The following COL9A2 variants were observed in gnomAD, a reference collection of about 807,000 sequenced individuals.
COL9A2 encodes the protein collagen type IX alpha 2 chain.
A neutral mutation model predicts 111.6 loss-of-function variants in COL9A2; 66 were observed. The observed-to-expected ratio is 0.59, with a 90% CI of 0.48 to 0.73. The LOEUF (loss-of-function observed/expected upper bound fraction) is 0.73, where lower values mean the gene tolerates loss of function less well. Among genes scored for constraint, COL9A2 ranks in the 30% least tolerant of loss-of-function variants. The pLI is 0.00. For missense variants in COL9A2, 881 were observed against 954.1 expected, an observed-to-expected ratio of 0.92 and a Z score of 1.01; for synonymous variants, 353 against 364.1, an observed-to-expected ratio of 0.97 and a Z score of 0.35.
At position 40,310,250 on chromosome 1, in the gene COL9A2, C is replaced by T. The variant is rs199876734; in HGVS notation, c.738+14G>A. ...TCCTGGAAGCTCTTGTAGAACACCC[C>T]AAGATTCACTTACCGTCTCTCCCTT... On this transcript the variant is annotated intron_variant, in intron 14 of 31. Transcript: ENST00000372748. This position sits in a 1 kb window ranked among gnomAD's most constrained non-coding sequence, Gnocchi z 4.9. 4.2e-5 allele frequency: 67 copies of T among 1,614,116 alleles called. 1 individual carries two copies. The African/African-American group carries it at 8.4e-4, about 20-fold the overall frequency.
In COL9A2 at chr1:40,307,394, C is replaced by T; in HGVS notation, c.1008+52G>A. ...GCCCCGGGTGTGTGTGGATTCTAAC[C>T]TCATCAGCCACTAGCCCCTGGCCAG... On this transcript the variant is annotated intron_variant, in intron 19 of 31. Transcript: ENST00000372748. The surrounding 1 kb of genome is among the most constrained non-coding windows in gnomAD (Gnocchi z 4.8). 1 of 1,561,502 alleles carries T rather than the reference C, an allele frequency of 6.4e-7. No individual in the cohort carries two copies. The highest frequency in any genetic ancestry group is 8.8e-7 in the Non-Finnish European group (1 of 1,137,378).
chr1:40,309,277 GCTGT>G (rs1165201811), intron 16 of COL9A2, among the ~76,000 whole-genome samples: 2 of 151,894 alleles, frequency 1.3e-5, no homozygotes, highest in Admixed American at 1.3e-4. Context: ...GATGATCTCT[GCTGT>G]CTAATAGAAA....
chr1:40,311,828 T>C lies in COL9A2; in HGVS notation c.418-113A>G. 8.4e-7 allele frequency: 1 copy of C among 1,196,232 alleles called. No individual in the cohort carries two copies. Among genetic ancestry groups the C allele is most frequent in the Non-Finnish European group, 1.2e-6 (1 of 806,948 alleles). The allele number at this position is 1,196,232 out of a possible 1,614,324, so 74.1% of individuals were successfully genotyped here. On this transcript the variant is annotated intron_variant, in intron 8 of 31. Coordinates refer to ENST00000372748, the MANE Select transcript of COL9A2 (RefSeq NM_001852.4). The surrounding 1 kb of genome is among the most constrained non-coding windows in gnomAD (Gnocchi z 5.1). ...CTCCACCCTGTCTTCCCGGTCACTTTGTGAGATCCACCATCTTGGGAGATG... is the reference window on the plus strand; with the variant it reads ...CTCCACCCTGTCTTCCCGGTCACTTCGTGAGATCCACCATCTTGGGAGATG...
rs1569709333 is a variant in COL9A2 at position 40,303,882 on chromosome 1, C to T, written c.1369-43G>A. On this transcript the variant is annotated intron_variant, in intron 26 of 31. Coordinates refer to ENST00000372748, the MANE Select transcript of COL9A2 (RefSeq NM_001852.4). This position sits in a 1 kb window ranked among gnomAD's most constrained non-coding sequence, Gnocchi z 4.6. ...AGCGGTCACGAAGCCGCGGGGACCC[C>T]GGGGCCAGCCGCCGCTCCCCGCCCT... 1.3e-6 allele frequency: 2 copies of T among 1,548,714 alleles called. No homozygotes were observed. Among genetic ancestry groups the T allele is most frequent in the Non-Finnish European group, 8.7e-7 (1 of 1,146,530 alleles).
Position 40,300,936 on chromosome 1 carries a change from A to G in COL9A2, c.*246T>C, listed in dbSNP as rs1021202446. ...TGCTCGCTGGAAGGAAAGCCGCCCTATTCCTTCAGCGCTTCGACTCCATCG... is the reference window on the plus strand; with the variant it reads ...TGCTCGCTGGAAGGAAAGCCGCCCTGTTCCTTCAGCGCTTCGACTCCATCG... On this transcript the variant is annotated 3_prime_UTR_variant, in exon 32 of 32. Coordinates refer to ENST00000372748, the MANE Select transcript of COL9A2 (RefSeq NM_001852.4). This position sits in a 1 kb window ranked among gnomAD's most constrained non-coding sequence, Gnocchi z 4.4. 1.9e-5 allele frequency: 10 copies of G among 514,650 alleles called. No homozygotes were observed. Among genetic ancestry groups the G allele is most frequent in the Non-Finnish European group, 3.5e-5 (10 of 285,994 alleles). 31.9% of individuals were successfully genotyped at this position (514,650 alleles called of 1,614,324 possible).
intron 20 of COL9A2, 129 bp downstream of exon 20, chr1:40,306,014 G>C: frequency 9.5e-7 from 1 of 1,050,310 alleles, no homozygotes. Context: ...TGGCAGGAGG[G>C]AGGTGGTTAG....
chr1:40,310,417 A>G lies in COL9A2; in HGVS notation c.685-100T>C, dbSNP rs1644105360. On this transcript the variant is annotated intron_variant, in intron 13 of 31. Transcript: ENST00000372748. The surrounding 1 kb of genome is among the most constrained non-coding windows in gnomAD (Gnocchi z 4.9). Reference sequence around the variant, plus strand: ...CAATCTTACAGTGCCCTTTTGAGGTAGGCAGCAGAGTCTCTGTCTCATGGA... The same window carrying G: ...CAATCTTACAGTGCCCTTTTGAGGTGGGCAGCAGAGTCTCTGTCTCATGGA... 30 of 1,208,440 alleles carry G rather than the reference A, an allele frequency of 2.5e-5. No homozygotes were observed. Among genetic ancestry groups the G allele is most frequent in the Non-Finnish European group, 3.7e-5 (30 of 821,188 alleles). 74.9% of individuals were successfully genotyped at this position (1,208,440 alleles called of 1,614,324 possible).
chr1:40,312,127 G>A lies in COL9A2; in HGVS notation c.364-15C>T, dbSNP rs747246514. ...CCAGGAGGCCCCTGGGGAGCAGAGA[G>A]TTGATGGTCAGGATGCCTCAGAGGG... On this transcript the variant is annotated splice_polypyrimidine_tract_variant and intron_variant, in intron 7 of 31. Coordinates refer to ENST00000372748, the MANE Select transcript of COL9A2 (RefSeq NM_001852.4). The surrounding 1 kb of genome is among the most constrained non-coding windows in gnomAD (Gnocchi z 6.0). 1.1e-5 allele frequency: 18 copies of A among 1,598,424 alleles called. No individual in the cohort carries two copies. Among genetic ancestry groups the A allele is most frequent in the Non-Finnish European group, 1.5e-5 (18 of 1,174,152 alleles).
Position 40,316,798 on chromosome 1 carries a change from A to C in COL9A2, c.75+325T>G. ...GGGGCGGAGGCTGCGCAGCGGGTGA[A>C]TGAGCACCATTGTATGCCCCGCCAC... On this transcript the variant is annotated intron_variant, in intron 1 of 31. Coordinates refer to ENST00000372748, the MANE Select transcript of COL9A2 (RefSeq NM_001852.4). The surrounding 1 kb of genome is among the most constrained non-coding windows in gnomAD (Gnocchi z 5.5). 7 of 424,878 alleles carry C rather than the reference A, an allele frequency of 1.6e-5. No individual in the cohort carries two copies. Among genetic ancestry groups the C allele is most frequent in the East Asian group, 5.6e-5 (1 of 17,972 alleles). 26.3% of individuals were successfully genotyped at this position (424,878 alleles called of 1,614,324 possible).
At chr1:40,301,601 T>C (rs1643915782) in intron 31 of COL9A2, among the ~76,000 whole-genome samples, 1 of 152,180 alleles carries the variant, frequency 6.6e-6, no homozygotes, top group Admixed American at 6.5e-5. Flanking sequence ...TGTGAAGTGA[T>C]GGTGGTGGAT....
At position 40,308,963 on chromosome 1, in the gene COL9A2, T is replaced by C. The variant is rs1205375497; in HGVS notation, c.847-718A>G. ...AAAAATTGCATTAAAAAACTAGATA[T>C]TGCTGGGCGTGTTGGCTCACACCTG... On this transcript the variant is annotated intron_variant, in intron 16 of 31. Transcript: ENST00000372748. Among the ~76,000 whole-genome samples the C allele has an allele frequency of 3.9e-5, 6 of 152,160 alleles. No individual in the cohort carries two copies. The South Asian group carries it at 6.2e-4, about 16-fold the overall frequency.
In COL9A2 at chr1:40,303,329, G is replaced by A; in HGVS notation, c.1549-144C>T. 8.7e-7 allele frequency: 1 copy of A among 1,144,530 alleles called. No individual in the cohort carries two copies. Among genetic ancestry groups the A allele is most frequent in the Non-Finnish European group, 1.3e-6 (1 of 786,624 alleles). The allele number at this position is 1,144,530 out of a possible 1,614,324, so 70.9% of individuals were successfully genotyped here. A position where few individuals can be genotyped will look rare whatever the true frequency, so the allele number is the denominator to read the frequency against. On this transcript the variant is annotated intron_variant, in intron 28 of 31. Transcript: ENST00000372748. The surrounding 1 kb of genome is among the most constrained non-coding windows in gnomAD (Gnocchi z 4.6). ...CAAGCTGAGGAACAGATTGTACCTG[G>A]GCAGGGCCAAGGGCTTACTTGGGAA...
At position 40,314,538 on chromosome 1, in the gene COL9A2, G is replaced by A. The variant is rs533769345; in HGVS notation, c.151-151C>T. On this transcript the variant is annotated intron_variant, in intron 2 of 31. Transcript: ENST00000372748. This position sits in a 1 kb window ranked among gnomAD's most constrained non-coding sequence, Gnocchi z 4.1. ...AAGCCTTGCAATCTTTGGGAAAAGA[G>A]CCCCCTTTTCCTCAAAAATAAAAAC... 29 of 953,024 alleles carry A rather than the reference G, an allele frequency of 3.0e-5. No individual in the cohort carries two copies. In the East Asian group the frequency reaches 6.7e-4, roughly 22 times the overall value. 59.0% of individuals were successfully genotyped at this position (953,024 alleles called of 1,614,324 possible).
rs1644182746 is a variant in COL9A2 at position 40,314,404 on chromosome 1, G to A, written c.151-17C>T. The A allele has an allele frequency of 1.9e-6, 3 of 1,614,044 alleles. No homozygotes were observed. Among genetic ancestry groups the A allele is most frequent in the Non-Finnish European group, 1.7e-6 (2 of 1,180,050 alleles). ...ATTGTCACCCTGCAAGATACAAGTT[G>A]GTGAGACAGCACACTACGGCTCACA... On this transcript the variant is annotated splice_polypyrimidine_tract_variant and intron_variant, in intron 2 of 31. Transcript: ENST00000372748. The surrounding 1 kb of genome is among the most constrained non-coding windows in gnomAD (Gnocchi z 4.1).
Position 40,302,827 on chromosome 1 carries a change from G to A in COL9A2, c.1604-18C>T. ...CAGTTGCTCTGGAGGGAGGGAGGGA[G>A]GGAGGGAGAGGGAAGTCTATGAGAT... On this transcript the variant is annotated intron_variant, in intron 29 of 31. Coordinates refer to ENST00000372748, the MANE Select transcript of COL9A2 (RefSeq NM_001852.4). This position sits in a 1 kb window ranked among gnomAD's most constrained non-coding sequence, Gnocchi z 4.5. 4 of 1,533,526 alleles carry A rather than the reference G, an allele frequency of 2.6e-6. No homozygotes were observed. Among genetic ancestry groups the A allele is most frequent in the Non-Finnish European group, 3.5e-6 (4 of 1,135,706 alleles). The allele number at this position is 1,533,526 out of a possible 1,614,324, so 95.0% of individuals were successfully genotyped here. A position where few individuals can be genotyped will look rare whatever the true frequency, so the allele number is the denominator to read the frequency against.
In COL9A2 at chr1:40,310,665, G is replaced by A. The variant is rs777932671; in HGVS notation, c.684+49C>T. The A allele has an allele frequency of 3.4e-6, 5 of 1,481,426 alleles. No individual in the cohort carries two copies. Among genetic ancestry groups the A allele is most frequent in the Non-Finnish European group, 3.7e-6 (4 of 1,080,066 alleles). The allele number at this position is 1,481,426 out of a possible 1,614,324, so 91.8% of individuals were successfully genotyped here. Reference sequence around the variant, plus strand: ...GAGCAGGGGAATGACTCCATGAAGGGCTCCTGGGGTGAGGGAGAAGAGGGC... The same window carrying A: ...GAGCAGGGGAATGACTCCATGAAGGACTCCTGGGGTGAGGGAGAAGAGGGC... On this transcript the variant is annotated intron_variant, in intron 13 of 31. Coordinates refer to ENST00000372748, the MANE Select transcript of COL9A2 (RefSeq NM_001852.4). This position sits in a 1 kb window ranked among gnomAD's most constrained non-coding sequence, Gnocchi z 4.9.
chr1:40,310,692 A>C lies in COL9A2; in HGVS notation c.684+22T>G. On this transcript the variant is annotated intron_variant, in intron 13 of 31. Transcript: ENST00000372748. This position sits in a 1 kb window ranked among gnomAD's most constrained non-coding sequence, Gnocchi z 4.9. ...TCCTGGGGTGAGGGAGAAGAGGGCC[A>C]CTGAGGCAAGGTGTTCCTTACCGGT... 1 of 1,564,832 alleles carries C rather than the reference A, an allele frequency of 6.4e-7. No homozygotes were observed. Among genetic ancestry groups the C allele is most frequent in the South Asian group, 1.2e-5 (1 of 84,818 alleles).
Position 40,300,901 on chromosome 1 carries a change from A to G in COL9A2, c.*281T>C, listed in dbSNP as rs1027333704. On this transcript the variant is annotated 3_prime_UTR_variant, in exon 32 of 32. Coordinates refer to ENST00000372748, the MANE Select transcript of COL9A2 (RefSeq NM_001852.4). This position sits in a 1 kb window ranked among gnomAD's most constrained non-coding sequence, Gnocchi z 4.4. ...AGATTAAGATGTTTGTTTTGGTAACAGCCGAATGATGCTCGCTGGAAGGAA... is the reference window on the plus strand; with the variant it reads ...AGATTAAGATGTTTGTTTTGGTAACGGCCGAATGATGCTCGCTGGAAGGAA... The G allele has an allele frequency of 6.9e-5, 30 of 437,348 alleles. No homozygotes were observed. Among genetic ancestry groups the G allele is most frequent in the Admixed American group, 2.2e-4 (6 of 27,792 alleles). 27.1% of individuals were successfully genotyped at this position (437,348 alleles called of 1,614,324 possible).
intron 4 of COL9A2, among the ~76,000 whole-genome samples, chr1:40,313,622 C>T (rs548970101): frequency 3.3e-5 from 5 of 152,322 alleles, no homozygotes; most frequent in Admixed American, 1.3e-4. Context: ...GCCCTGGTCA[C>T]ACCTCATGAG....
Sources: gnomAD v4.1 joint callset for allele counts (sites outside exome capture counted in the v4.1 genomes callset) on GRCh38, gnomAD v4.1.1 for gene constraint, Gnocchi (gnomAD v3.1) non-coding constraint, MANE v1.5 for transcripts, NCBI Gene and HGNC (gene_info 2026-07-23, HGNC 2026-07-21) for gene names.